Variants in LIFR observed in about 807,000 individuals in gnomAD.
LIFR encodes leukemia inhibitory factor receptor.
Under a neutral mutation model 122.2 loss-of-function variants are expected in LIFR, and 84 were observed. The observed-to-expected ratio is 0.69, with a 90% CI of 0.58 to 0.82. The LOEUF is 0.82. LIFR is among the 40% of genes least tolerant of loss of function. The pLI is 0.00. For synonymous variants in LIFR, 422 were observed against 434.7 expected, an observed-to-expected ratio of 0.97 and a Z score of 0.36; for missense variants, 1,294 against 1,311.6, an observed-to-expected ratio of 0.99 and a Z score of 0.21.
intron 1 of LIFR, among the ~76,000 whole-genome samples, chr5:38,592,367 A>C (rs1291114421): frequency 6.6e-6 from 1 of 152,210 alleles, no homozygotes; most frequent in East Asian, 1.9e-4. Context: ...TTTTAAGTAC[A>C]TTATGTAAGG....
chr5:38,508,683 T>TCTC (rs1207432457), intron 7 of LIFR, among the ~76,000 whole-genome samples: 7 of 151,912 alleles, frequency 4.6e-5, no homozygotes, highest in Middle Eastern at 6.8e-3. Context: ...TTCATGCCAC[T>TCTC]CTCCTGCCTC....
chr5:38,482,537 TA>T, intron 19 of LIFR, 51 bp downstream of exon 19: 11 of 985,378 alleles, frequency 1.1e-5, no homozygotes, highest in South Asian at 4.7e-5. Context: ...CACAAAAGAT[TA>T]AAAAAAGAAG....
intron 1 of LIFR, among the ~76,000 whole-genome samples, chr5:38,589,894 A>T (rs1749868532): frequency 6.6e-6 from 1 of 152,060 alleles, no homozygotes; most frequent in African/African-American, 2.4e-5. Flanking sequence ...GTGTGGCAAA[A>T]TTTCTACTTT....
At position 38,500,119 on chromosome 5, in the gene LIFR, C is replaced by T. The variant is rs150076914; in HGVS notation, c.1601-536G>A. On this transcript the variant is annotated intron_variant, in intron 11 of 19. Coordinates refer to ENST00000453190, the MANE Select transcript of LIFR (RefSeq NM_001127671.2). ...GCCTCTATTCCTATCACTTCCTCTC[C>T]TCTGTGGCATTTGTCACCAGCTGAT... Among the ~76,000 whole-genome samples, 707 of 152,280 alleles carry T rather than the reference C, an allele frequency of 4.6e-3. 2 individuals are homozygous for T. Among genetic ancestry groups the T allele is most frequent in the Admixed American group, 8.0e-3 (123 of 15,288 alleles).
upstream of LIFR, among the ~76,000 whole-genome samples, chr5:38,598,793 C>T (rs73749293): frequency 8.4e-3 from 1,285 of 152,288 alleles, 23 homozygotes; most frequent in African/African-American, 0.03. Context: ...ATTGTTCCCA[C>T]TTTGCTATAA....
chr5:38,490,326 T>C, intron 14 of LIFR, 35 bp from the exon 15 acceptor site: 1 of 892,990 alleles, frequency 1.1e-6, no homozygotes, highest in East Asian at 2.5e-5. Context: ...CTTTCATAAA[T>C]ATATTACTAT....
chr5:38,562,139 T>C (rs934765958), intron 1 of LIFR, among the ~76,000 whole-genome samples: 1 of 152,178 alleles, frequency 6.6e-6, no homozygotes, highest in African/African-American at 2.4e-5. Flanking sequence ...GTCCATCCCC[T>C]CTGCTCTGCC....
chr5:38,564,001 A>C (rs564285128), intron 1 of LIFR, among the ~76,000 whole-genome samples: 1 of 152,262 alleles, frequency 6.6e-6, no homozygotes, highest in South Asian at 2.1e-4. Flanking sequence ...GCTCTTCTCA[A>C]CCCAAAGGAC....
upstream of LIFR, among the ~76,000 whole-genome samples, chr5:38,598,206 C>A (rs1198442155): frequency 7.9e-6 from 1 of 126,804 alleles, no homozygotes; most frequent in African/African-American, 2.9e-5. Flanking sequence ...TATTTTAAGG[C>A]ACCTCTTTTT....
chr5:38,524,907 A>G (rs1746594553), intron 4 of LIFR, among the ~76,000 whole-genome samples: 1 of 152,214 alleles, frequency 6.6e-6, no homozygotes, highest in Non-Finnish European at 1.5e-5. Flanking sequence ...ATAAAAACAA[A>G]TAGTTGTTAC....
chr5:38,520,628 C>T (rs751244826), intron 5 of LIFR, among the ~76,000 whole-genome samples: 36 of 152,206 alleles, frequency 2.4e-4, no homozygotes, highest in Admixed American at 1.4e-3. Flanking sequence ...AGACAGAGAT[C>T]CAGTTTCATT....
chr5:38,549,608 C>T (rs1159504271), intron 1 of LIFR, among the ~76,000 whole-genome samples: 3 of 152,196 alleles, frequency 2.0e-5, no homozygotes, highest in South Asian at 2.1e-4. Flanking sequence ...CTGGCTAACA[C>T]GGTGAAACGC....
chr5:38,485,784 G>C (rs1217433427), intron 17 of LIFR, 35 bp downstream of exon 17: 1 of 1,611,396 alleles, frequency 6.2e-7, no homozygotes, highest in East Asian at 2.2e-5. Context: ...ACGCATGCAG[G>C]ATGGAAAGCA....
intron 1 of LIFR, chr5:38,550,187 GA>G: frequency 1.2e-6 from 1 of 800,882 alleles, no homozygotes; most frequent in Non-Finnish European, 1.5e-6. Context: ...AACAGCATTT[GA>G]AAGTGACAAT....
Position 38,481,279 on chromosome 5 carries a change from T to G in LIFR, c.*316A>C, listed in dbSNP as rs1579991177. ...AGAACAGAAAACAGTTGCGGCGGGA[T>G]TTGTTTTACATGTACGTACAAGTAG... On this transcript the variant is annotated 3_prime_UTR_variant, in exon 20 of 20. Transcript: ENST00000453190. 2 of 403,918 alleles carry G rather than the reference T, an allele frequency of 5.0e-6. No homozygotes were observed. Among genetic ancestry groups the G allele is most frequent in the Non-Finnish European group, 9.0e-6 (2 of 221,604 alleles). The allele number at this position is 403,918 out of a possible 1,614,324, so 25.0% of individuals were successfully genotyped here. A position where few individuals can be genotyped will look rare whatever the true frequency, so the allele number is the denominator to read the frequency against.
chr5:38,553,646 A>ATATATAT (rs1748345517), intron 1 of LIFR, among the ~76,000 whole-genome samples: 2 of 96,500 alleles, frequency 2.1e-5, no homozygotes, highest in African/African-American at 9.4e-5. Context: ...ATATATATAT[A>ATATATAT]TATATATATA....
At chr5:38,536,058 T>G (rs917817331) in intron 1 of LIFR, among the ~76,000 whole-genome samples, 1 of 152,216 alleles carries the variant, frequency 6.6e-6, no homozygotes, top group Non-Finnish European at 1.5e-5. Context: ...ATCTTTATCT[T>G]TGGTGAAGAG....
intron 12 of LIFR, among the ~76,000 whole-genome samples, chr5:38,499,122 A>C (rs1007611990): frequency 6.6e-6 from 1 of 152,240 alleles, no homozygotes; most frequent in African/African-American, 2.4e-5. Context: ...GTTATAATGC[A>C]ATTTATTGAA....
chr5:38,591,830 T>A (rs1481043112), intron 1 of LIFR, among the ~76,000 whole-genome samples: 2 of 152,210 alleles, frequency 1.3e-5, no homozygotes, highest in African/African-American at 4.8e-5. Flanking sequence ...TCAACTTTCC[T>A]AGTTATTCCT....
Sources: allele counts gnomAD v4.1 joint callset (sites outside exome capture counted in the v4.1 genomes callset), GRCh38; gene constraint gnomAD v4.1.1; transcripts MANE v1.5; gene names NCBI Gene and HGNC (gene_info 2026-07-23, HGNC 2026-07-21).